RALGAPA2: variants seen among roughly 807,000 people sequenced by gnomAD.
RALGAPA2 encodes the protein ral GTPase-activating protein subunit alpha-2.
A neutral mutation model predicts 230.4 loss-of-function variants in RALGAPA2; 139 were observed. The observed-to-expected ratio is 0.60, with a 90% CI of 0.53 to 0.69. The LOEUF is 0.69. RALGAPA2 is among the 30% of genes least tolerant of loss of function. The pLI is 0.00. For synonymous variants in RALGAPA2, 847 were observed against 837.8 expected (o/e 1.01, Z -0.19); for missense variants, 2,163 against 2,276.0 (o/e 0.95, Z 1.01).
intron 1 of RALGAPA2, among the ~76,000 whole-genome samples, chr20:20,711,179 T>G (rs2069846790): frequency 6.6e-6 from 1 of 152,248 alleles, no homozygotes; most frequent in Non-Finnish European, 1.5e-5. Flanking sequence ...AGGTGTGGTT[T>G]GGTTTGGCTT....
Position 20,571,966 on chromosome 20 carries a change from A to G in RALGAPA2, c.2902-20T>C, listed in dbSNP as rs776498887. 10 of 1,527,532 alleles carry G rather than the reference A, an allele frequency of 6.5e-6. No homozygotes were observed. The Admixed American group carries it at 1.6e-4, about 24-fold the overall frequency. The allele number at this position is 1,527,532 out of a possible 1,614,324, so 94.6% of individuals were successfully genotyped here. A position where few individuals can be genotyped will look rare whatever the true frequency, so the allele number is the denominator to read the frequency against. ...CCGTATCTAATTCACAAAGAGGAGA[A>G]TTTTAGGGTAGGTAACATTACGTTT... is the stretch of plus-strand genomic sequence containing the variant. On this transcript the variant is annotated intron_variant, in intron 21 of 39. Transcript: ENST00000202677.
chr20:20,589,364 ACC>A lies in RALGAPA2; in HGVS notation c.2342-1_2342del. The A allele has an allele frequency of 6.3e-7, 1 of 1,580,566 alleles. No homozygotes were observed. The highest frequency in any genetic ancestry group is 8.6e-7 in the Non-Finnish European group (1 of 1,161,350). On this transcript the variant is annotated splice_acceptor_variant and coding_sequence_variant, in exon 18 of 40. Transcript: ENST00000202677. LOFTEE classifies it high-confidence loss of function. ...AATTCTGTGTGTTTTCTGCCTTTTG[ACC>A]TAGAAATGGTGGGGCAGGGGGGTAG... is the stretch of plus-strand genomic sequence containing the variant.
At chr20:20,513,629 C>A (rs1272673577) in intron 31 of RALGAPA2, among the ~76,000 whole-genome samples, 1 of 152,136 alleles carries the variant, frequency 6.6e-6, no homozygotes, top group Non-Finnish European at 1.5e-5. Context: ...TACCCTTCCA[C>A]TGGGGATCCA....
intron 15 of RALGAPA2, among the ~76,000 whole-genome samples, chr20:20,604,282 A>G (rs1359849528): frequency 6.6e-6 from 1 of 152,210 alleles, no homozygotes; most frequent in African/African-American, 2.4e-5. Flanking sequence ...ATCCTTAAGC[A>G]CAGTAATTAA....
At chr20:20,479,902 A>C (rs567238248) in intron 36 of RALGAPA2, among the ~76,000 whole-genome samples, 28 of 152,362 alleles carry the variant, frequency 1.8e-4, no homozygotes, top group African/African-American at 6.5e-4. Flanking sequence ...CAGAATTAGT[A>C]AGAGTGTTTA....
At chr20:20,513,611 CTG>C (rs2062782779) in intron 31 of RALGAPA2, among the ~76,000 whole-genome samples, 1 of 152,126 alleles carries the variant, frequency 6.6e-6, no homozygotes, top group Non-Finnish European at 1.5e-5. Context: ...CAGTCTCTCT[CTG>C]TAATTTACCC....
intron 25 of RALGAPA2, 94 bp from the exon 26 acceptor site, chr20:20,535,897 A>C (rs2063485044): frequency 6.9e-7 from 1 of 1,451,684 alleles, no homozygotes; most frequent in Non-Finnish European, 9.1e-7. Context: ...GAGCTACTGA[A>C]GTTCGACCAG....
At chr20:20,540,549 T>C (rs565883256) in intron 24 of RALGAPA2, among the ~76,000 whole-genome samples, 1 of 152,358 alleles carries the variant, frequency 6.6e-6, no homozygotes, top group African/African-American at 2.4e-5. Flanking sequence ...GCTGGTTTTG[T>C]ATTTCATCCT....
rs2061484842 is a variant in RALGAPA2, at chr20:20,469,073, C to T, written c.5495+3756G>A. Reference sequence around the variant, plus strand: ...GCTCTTTCAAAGCCTGGTCCATGAACAAACATTGGCCCCTCATTTGGAGTA... The same window carrying T: ...GCTCTTTCAAAGCCTGGTCCATGAATAAACATTGGCCCCTCATTTGGAGTA... On this transcript the variant is annotated intron_variant, in intron 37 of 39. Coordinates refer to ENST00000202677, the MANE Select transcript of RALGAPA2 (RefSeq NM_020343.4). Among the ~76,000 whole-genome samples the T allele has an allele frequency of 4.6e-5, 7 of 152,212 alleles. No individual in the cohort carries two copies. In the South Asian group the frequency reaches 1.2e-3, roughly 27 times the overall value.
intron 23 of RALGAPA2, among the ~76,000 whole-genome samples, chr20:20,560,004 C>G (rs532403051): frequency 6.6e-6 from 1 of 152,262 alleles, no homozygotes; most frequent in South Asian, 2.1e-4. Flanking sequence ...TTGAAATTCT[C>G]AAGTGCTAAC....
At chr20:20,663,223 A>T (rs2067841109) in intron 3 of RALGAPA2, among the ~76,000 whole-genome samples, 1 of 152,220 alleles carries the variant, frequency 6.6e-6, no homozygotes, top group African/African-American at 2.4e-5. Flanking sequence ...TAGGCAGAAA[A>T]GAGATAAAAG....
At chr20:20,653,476 G>T in intron 4 of RALGAPA2, 54 bp downstream of exon 4, 1 of 989,582 alleles carries the variant, frequency 1.0e-6, no homozygotes, top group South Asian at 1.5e-5. Context: ...AAACATTACT[G>T]AAAATTCAAC....
At chr20:20,670,469 G>A (rs2068095556) in intron 3 of RALGAPA2, among the ~76,000 whole-genome samples, 2 of 152,162 alleles carry the variant, frequency 1.3e-5, no homozygotes, top group South Asian at 2.1e-4. Flanking sequence ...TACTTCAGAA[G>A]GAAAGGATTA....
intron 33 of RALGAPA2, among the ~76,000 whole-genome samples, chr20:20,506,753 G>T (rs1403632247): frequency 6.6e-6 from 1 of 152,118 alleles, no homozygotes; most frequent in East Asian, 1.9e-4. Flanking sequence ...GTAGAACTGA[G>T]TTCCATATTT....
At chr20:20,523,988 G>A (rs1437604134) in intron 30 of RALGAPA2, among the ~76,000 whole-genome samples, 4 of 152,064 alleles carry the variant, frequency 2.6e-5, no homozygotes, top group African/African-American at 4.8e-5. Flanking sequence ...ATGGAGTCTC[G>A]CTCTGTTGCC....
chr20:20,493,904 A>T (rs751815276), intron 36 of RALGAPA2, among the ~76,000 whole-genome samples: 54 of 152,326 alleles, frequency 3.5e-4, no homozygotes, highest in Non-Finnish European at 6.3e-4. Context: ...CTCAATAGAA[A>T]AGAGGGTTCC....
At chr20:20,465,140 C>T (rs999959036) in intron 37 of RALGAPA2, among the ~76,000 whole-genome samples, 49 of 145,334 alleles carry the variant, frequency 3.4e-4, no homozygotes, top group African/African-American at 1.2e-3. Context: ...TCCCTCCCCC[C>T]GCAGGCCTTC....
chr20:20,534,237 G>T (rs897946852), intron 26 of RALGAPA2, among the ~76,000 whole-genome samples: 3 of 152,170 alleles, frequency 2.0e-5, no homozygotes, highest in African/African-American at 7.2e-5. Flanking sequence ...GAAGTCAGGA[G>T]ATTGAGACCA....
Position 20,605,372 on chromosome 20 carries a change from T to C in RALGAPA2, c.1841A>G (p.Tyr614Cys), listed in dbSNP as rs368755042. 6.2e-7 allele frequency: 1 copy of C among 1,613,716 alleles called. No homozygotes were observed. The highest frequency in any genetic ancestry group is 8.5e-7 in the Non-Finnish European group (1 of 1,179,840). ...VAWIRANLCVYISRELWDDFL... is the reference protein window; with the variant it reads ...VAWIRANLCVCISRELWDDFL... ...GTCATCCCAGAGCTCTCGAGAAATG[T>C]ACACACAGAGGTTTGCTCGGATCCA... Residue 614 changes from tyrosine to cysteine, a missense_variant, in exon 15 of 40, where the codon TAC (tyrosine) becomes TGC (cysteine). Tyr to Cys is a radical substitution (Grantham distance 194). Coordinates refer to ENST00000202677, the MANE Select transcript of RALGAPA2 (RefSeq NM_020343.4).
Sources: gnomAD v4.1 joint callset for allele counts (sites outside exome capture counted in the v4.1 genomes callset) on GRCh38, gnomAD v4.1.1 for gene constraint, MANE v1.5 for transcripts, NCBI Gene and HGNC (gene_info 2026-07-23, HGNC 2026-07-21) for gene names.